SYN2: variants seen among roughly 807,000 people sequenced by gnomAD.
The protein encoded by SYN2 is synapsin II.
A neutral mutation model predicts 50.9 loss-of-function variants in SYN2; 19 were observed. The ratio of observed to expected loss-of-function variants is 0.37; its 90% CI spans 0.26 to 0.55. SYN2 has a LOEUF of 0.55. Ranked by LOEUF, SYN2 falls within the 20% of genes least tolerant of loss-of-function variation. The pLI, the probability that SYN2 is intolerant of heterozygous loss-of-function variation, is 0.81. For synonymous variants in SYN2, 255 were observed against 224.9 expected (o/e 1.13, Z -1.20); for missense variants, 587 against 576.4 (o/e 1.02, Z -0.19).
At chr3:12,104,517 T>C (rs935339039) in intron 1 of SYN2, among the ~76,000 whole-genome samples, 1 of 151,722 alleles carries the variant, frequency 6.6e-6, no homozygotes, top group Non-Finnish European at 1.5e-5. Context: ...TACCCAACAA[T>C]TAGAGAACAT....
intron 1 of SYN2, among the ~76,000 whole-genome samples, chr3:12,024,803 G>A (rs1191090616): frequency 6.6e-6 from 1 of 152,184 alleles, no homozygotes; most frequent in African/African-American, 2.4e-5. Flanking sequence ...TGTGTACCCA[G>A]GAGTGGCATT....
intron 1 of SYN2, among the ~76,000 whole-genome samples, chr3:12,075,192 ATATGGT>A (rs1377923902): frequency 1.3e-5 from 2 of 152,090 alleles, no homozygotes. Flanking sequence ...GTTCTTAAAG[ATATGGT>A]TGATCAGCTT....
At chr3:12,051,834 ATCTCATTCCTTCATATGGAAGGTT>A (rs1232201765) in intron 1 of SYN2, among the ~76,000 whole-genome samples, 1 of 152,142 alleles carries the variant, frequency 6.6e-6, no homozygotes, top group Non-Finnish European at 1.5e-5. Flanking sequence ...AGGTGTTAGG[ATCTCATTCCTTCATATGGAAGGTT>A]TCTCAGGAAT....
chr3:12,090,260 A>G (rs910689628), intron 1 of SYN2, among the ~76,000 whole-genome samples: 48 of 152,122 alleles, frequency 3.2e-4, no homozygotes, highest in African/African-American at 1.1e-3. Context: ...AGCTTAAGCC[A>G]TTTTCTGCAA....
intron 1 of SYN2, among the ~76,000 whole-genome samples, chr3:12,072,454 A>C (rs765660929): frequency 2.6e-5 from 4 of 152,236 alleles, no homozygotes; most frequent in African/African-American, 4.8e-5. Flanking sequence ...TTATAGATTT[A>C]GCTCTTACAT....
chr3:12,108,786 CTCTT>C (rs967834399), intron 1 of SYN2, among the ~76,000 whole-genome samples: 5 of 135,310 alleles, frequency 3.7e-5, no homozygotes, highest in African/African-American at 1.3e-4. Flanking sequence ...ATTATTTAGT[CTCTT>C]TGTTTGTTGG....
At chr3:12,161,726 A>G in intron 6 of SYN2, 118 bp downstream of exon 6, 2 of 1,274,230 alleles carry the variant, frequency 1.6e-6, no homozygotes, top group Non-Finnish European at 2.2e-6. Flanking sequence ...CAAAGAGAAG[A>G]TGATTTGCCA....
chr3:12,019,311 G>A (rs928230616), intron 1 of SYN2, among the ~76,000 whole-genome samples: 1 of 152,172 alleles, frequency 6.6e-6, no homozygotes, highest in Non-Finnish European at 1.5e-5. Context: ...TTAGTATTCA[G>A]TAGAGTGAGC....
At chr3:12,137,247 CAAAAAA>C (rs551962770) in intron 1 of SYN2, among the ~76,000 whole-genome samples, 1 of 97,884 alleles carries the variant, frequency 1.0e-5, no homozygotes, top group Non-Finnish European at 2.0e-5. Flanking sequence ...GATCCTGTCT[CAAAAAA>C]AAAAAAAAAA....
intron 1 of SYN2, 73 bp downstream of exon 1, chr3:12,005,001 A>G: frequency 2.4e-6 from 1 of 408,478 alleles, no homozygotes; most frequent in Middle Eastern, 6.4e-4. Context: ...GGACGGTCCC[A>G]GGTCGCCGAG....
At chr3:12,116,172 G>A (rs963701092) in intron 1 of SYN2, among the ~76,000 whole-genome samples, 1 of 152,146 alleles carries the variant, frequency 6.6e-6, no homozygotes, top group Non-Finnish European at 1.5e-5. Flanking sequence ...ATAGCCCGCA[G>A]ACAGCAAAAA....
At chr3:12,058,798 C>T (rs1695052839) in intron 1 of SYN2, among the ~76,000 whole-genome samples, 1 of 152,182 alleles carries the variant, frequency 6.6e-6, no homozygotes, top group Admixed American at 6.5e-5. Flanking sequence ...CTAAAAGCAG[C>T]AGTTACCTTT....
intron 10 of SYN2, among the ~76,000 whole-genome samples, chr3:12,177,692 G>C (rs1178611787): frequency 6.6e-6 from 1 of 152,310 alleles, no homozygotes. Context: ...GGCAGGTTCA[G>C]ATAAAGCCAC....
At chr3:12,089,784 GA>G (rs746526728) in intron 1 of SYN2, among the ~76,000 whole-genome samples, 42 of 152,172 alleles carry the variant, frequency 2.8e-4, no homozygotes, top group Middle Eastern at 3.2e-3. Context: ...TGGGGAGTCA[GA>G]GAGAGTACAG....
intron 1 of SYN2, among the ~76,000 whole-genome samples, chr3:12,038,386 A>C (rs1236303479): frequency 6.6e-6 from 1 of 152,082 alleles, no homozygotes; most frequent in Admixed American, 6.5e-5. Context: ...TTAAAAAAAA[A>C]CTTTTTTTTG....
At position 12,169,210 on chromosome 3, in the gene SYN2, T is replaced by G. The variant is rs1159513094; in HGVS notation, c.1159-547T>G. On this transcript the variant is annotated intron_variant, in intron 9 of 12. Transcript: ENST00000621198. ...TATGGAGTCTGTGAGGCATACACTT[T>G]CTAAAGGAGGAAAACATTGATCTGA... is the stretch of plus-strand genomic sequence containing the variant. Among the ~76,000 whole-genome samples, 3 of 152,198 alleles carry G rather than the reference T, an allele frequency of 2.0e-5. No homozygotes were observed. In the East Asian group the frequency reaches 5.8e-4, roughly 29 times the overall value.
chr3:12,162,183 T>C (rs1468591595), intron 7 of SYN2, 29 bp downstream of exon 7: 15 of 1,607,744 alleles, frequency 9.3e-6, no homozygotes, highest in Non-Finnish European at 1.3e-5. Context: ...TGTTTTCTCC[T>C]CAGTGATGAT....
chr3:12,045,952 A>G (rs972509615), intron 1 of SYN2, among the ~76,000 whole-genome samples: 1 of 152,226 alleles, frequency 6.6e-6, no homozygotes, highest in Non-Finnish European at 1.5e-5. Flanking sequence ...CTGAATTTGA[A>G]TAACTTGCTT....
intron 1 of SYN2, among the ~76,000 whole-genome samples, chr3:12,050,732 T>C (rs1694841494): frequency 1.2e-5 from 1 of 85,652 alleles, no homozygotes; most frequent in Non-Finnish European, 2.1e-5. Flanking sequence ...TTTTTTTTTT[T>C]TTTTTTTTTT....
Sources: gnomAD v4.1 joint callset for allele counts (sites outside exome capture counted in the v4.1 genomes callset) on GRCh38, gnomAD v4.1.1 for gene constraint, MANE v1.5 for transcripts, NCBI Gene and HGNC (gene_info 2026-07-23, HGNC 2026-07-21) for gene names.